CALN1: variants seen among roughly 807,000 people sequenced by gnomAD.
CALN1 encodes the protein calcium-binding protein 8.
A neutral mutation model predicts 30.6 loss-of-function variants in CALN1; 17 were observed. The observed-to-expected ratio is 0.56, with a 90% CI of 0.38 to 0.83. The LOEUF is 0.83. Among genes scored for constraint, CALN1 ranks in the 40% least tolerant of loss-of-function variants. The pLI, the probability that CALN1 is intolerant of heterozygous loss-of-function variation, is 0.00. For missense variants in CALN1, 291 were observed against 354.9 expected, an observed-to-expected ratio of 0.82 and a Z score of 1.45; for synonymous variants, 156 against 131.4, an observed-to-expected ratio of 1.19 and a Z score of -1.28.
At chr7:72,478,158 C>A in the CALN1 span, among the ~76,000 whole-genome samples, 1 of 151,638 alleles carries the variant, frequency 6.6e-6, no homozygotes, top group Non-Finnish European at 1.5e-5. Context: ...GGGAGGATTG[C>A]TTGAGGTTAG....
intron 3 of CALN1, among the ~76,000 whole-genome samples, chr7:72,270,040 AT>A (rs1246031559): frequency 6.6e-6 from 1 of 152,188 alleles, no homozygotes; most frequent in Non-Finnish European, 1.5e-5. Context: ...AATGGGAACT[AT>A]AAAAAAGAAC....
At chr7:72,464,417 G>A in the CALN1 span, among the ~76,000 whole-genome samples, 5 of 152,180 alleles carry the variant, frequency 3.3e-5, no homozygotes, top group African/African-American at 4.8e-5. Flanking sequence ...TTTCTTCGAT[G>A]CCTCTGGATA....
chr7:72,181,186 A>G (rs1383362984), intron 3 of CALN1, among the ~76,000 whole-genome samples: 1 of 147,062 alleles, frequency 6.8e-6, no homozygotes, highest in Non-Finnish European at 1.5e-5. Context: ...GTAAGTCTAT[A>G]TATGTATGTA....
At chr7:72,056,499 A>G (rs1803265445) in intron 4 of CALN1, among the ~76,000 whole-genome samples, 2 of 152,180 alleles carry the variant, frequency 1.3e-5, no homozygotes, top group African/African-American at 2.4e-5. Flanking sequence ...GGAAAAATCG[A>G]TTTTATTCCT....
At chr7:72,295,433 A>G (rs1798785701) in intron 2 of CALN1, among the ~76,000 whole-genome samples, 1 of 152,056 alleles carries the variant, frequency 6.6e-6, no homozygotes, top group Non-Finnish European at 1.5e-5. Context: ...GATGGCATTG[A>G]ATCTGTAAAT....
chr7:72,314,351 A>G (rs1042786312), intron 2 of CALN1, among the ~76,000 whole-genome samples: 3 of 86,584 alleles, frequency 3.5e-5, no homozygotes, highest in African/African-American at 5.7e-5. Context: ...ATATATATAC[A>G]TATATATACA....
intron 3 of CALN1, among the ~76,000 whole-genome samples, chr7:72,239,608 T>C (rs1794706714): frequency 6.6e-6 from 1 of 152,120 alleles, no homozygotes; most frequent in African/African-American, 2.4e-5. Flanking sequence ...GGGTATAACT[T>C]TTCTAAGGTG....
Position 72,397,539 on chromosome 7 carries a change from G to C in CALN1, c.119+5712C>G, listed in dbSNP as rs184983978. On this transcript the variant is annotated intron_variant, in intron 2 of 6. Transcript: ENST00000395275. ...AATTCCAGGAGTGAAGGGGTGACTA[G>C]AAGAAAAGCAGGTCACAGCAATGAG... is the stretch of plus-strand genomic sequence containing the variant. Among the ~76,000 whole-genome samples the C allele has an allele frequency of 9.2e-4, 140 of 152,270 alleles. 1 individual carries two copies. The highest frequency in any genetic ancestry group is 3.3e-3 in the African/African-American group (136 of 41,554).
intron 3 of CALN1, among the ~76,000 whole-genome samples, chr7:72,238,212 A>C (rs1032549917): frequency 6.6e-6 from 1 of 152,198 alleles, no homozygotes; most frequent in Non-Finnish European, 1.5e-5. Context: ...TATGATAGTT[A>C]CAAGAGCACA....
At chr7:72,125,388 G>A (rs376075155) in intron 3 of CALN1, among the ~76,000 whole-genome samples, 12 of 152,344 alleles carry the variant, frequency 7.9e-5, no homozygotes, top group African/African-American at 2.6e-4. Context: ...GCCAGGCACT[G>A]TTCTAGGAGC....
intron 5 of CALN1, among the ~76,000 whole-genome samples, chr7:71,923,380 G>C (rs1795083636): frequency 6.6e-6 from 1 of 152,182 alleles, no homozygotes; most frequent in Non-Finnish European, 1.5e-5. Context: ...TAGCTTGAAG[G>C]AAGAATGCAT....
At chr7:72,318,612 C>T (rs1018352769) in intron 2 of CALN1, among the ~76,000 whole-genome samples, 5 of 151,444 alleles carry the variant, frequency 3.3e-5, no homozygotes, top group Non-Finnish European at 7.4e-5. Flanking sequence ...GTGATCATAG[C>T]TCACTGCAGC....
rs574614993 is a variant in CALN1, at chr7:72,037,638, A to G, written c.389-13869T>C. Among the ~76,000 whole-genome samples, 4 of 152,310 alleles carry G rather than the reference A, an allele frequency of 2.6e-5. No homozygotes were observed. In the East Asian group the frequency reaches 7.7e-4, roughly 29 times the overall value. ...AGATCCCTGATATTTCGAGGACAGGATGTTTTTATTTAACCTAGTTCTTGG... is the reference window on the plus strand; with the variant it reads ...AGATCCCTGATATTTCGAGGACAGGGTGTTTTTATTTAACCTAGTTCTTGG... On this transcript the variant is annotated intron_variant, in intron 4 of 6. Transcript: ENST00000395275.
intron 5 of CALN1, among the ~76,000 whole-genome samples, chr7:71,981,999 C>T (rs889188995): frequency 6.6e-6 from 1 of 152,186 alleles, no homozygotes; most frequent in African/African-American, 2.4e-5. Context: ...CCCAGCCAGG[C>T]ACGCTGCCTG....
chr7:72,338,523 G>GTC (rs879874447), intron 2 of CALN1, among the ~76,000 whole-genome samples: 2,334 of 146,242 alleles, frequency 0.016, 133 homozygotes, highest in African/African-American at 0.031. Flanking sequence ...GTGTGTGTGT[G>GTC]TGTGTCTCAC....
At chr7:71,807,146 G>A (rs548983452) in intron 6 of CALN1, among the ~76,000 whole-genome samples, 2 of 152,144 alleles carry the variant, frequency 1.3e-5, no homozygotes, top group African/African-American at 2.4e-5. Context: ...AGATTTAGGA[G>A]GTGGAAGCAA....
intron 4 of CALN1, among the ~76,000 whole-genome samples, chr7:72,042,622 G>C (rs1430134324): frequency 6.6e-6 from 1 of 152,252 alleles, no homozygotes; most frequent in South Asian, 2.1e-4. Flanking sequence ...TATAACCCCA[G>C]CACTTTGGGA....
chr7:71,935,915 C>T (rs1462163867), intron 5 of CALN1, among the ~76,000 whole-genome samples: 1 of 152,166 alleles, frequency 6.6e-6, no homozygotes, highest in Non-Finnish European at 1.5e-5. Flanking sequence ...TTGCTTTTAG[C>T]TAAAGCTTTT....
chr7:72,161,793 A>G (rs1788131210), intron 3 of CALN1, among the ~76,000 whole-genome samples: 1 of 151,986 alleles, frequency 6.6e-6, no homozygotes, highest in Non-Finnish European at 1.5e-5. Flanking sequence ...GAAGAGGGAG[A>G]GCATCCGGAA....
Sources: allele counts gnomAD v4.1 joint callset (sites outside exome capture counted in the v4.1 genomes callset), GRCh38; gene constraint gnomAD v4.1.1; transcripts MANE v1.5; gene names NCBI Gene and HGNC (gene_info 2026-07-23, HGNC 2026-07-21).